ALCAM: variants seen among roughly 807,000 people sequenced by gnomAD.
ALCAM encodes the protein CD166 antigen.
A neutral mutation model predicts 70.9 loss-of-function variants in ALCAM; 30 were observed. The ratio of observed to expected loss-of-function variants is 0.42; its 90% CI spans 0.32 to 0.57. The LOEUF is 0.57. Ranked by LOEUF, ALCAM falls within the 20% of genes least tolerant of loss-of-function variation. The pLI is 0.11. For synonymous variants in ALCAM, 249 were observed against 242.5 expected (o/e 1.03, Z -0.25); for missense variants, 591 against 695.1 (o/e 0.85, Z 1.68).
intron 2 of ALCAM, among the ~76,000 whole-genome samples, chr3:105,523,280 G>A (rs1285554834): frequency 6.6e-6 from 1 of 151,984 alleles, no homozygotes; most frequent in Non-Finnish European, 1.5e-5. Context: ...TTTGCATAAT[G>A]AAGGAATGAC....
At chr3:105,439,184 G>A (rs913186745) in intron 1 of ALCAM, among the ~76,000 whole-genome samples, 2 of 152,112 alleles carry the variant, frequency 1.3e-5, no homozygotes, top group South Asian at 2.1e-4. Context: ...TTTCTCACTA[G>A]TCAGGATCCA....
chr3:105,517,169 C>T (rs1939405077), intron 1 of ALCAM, among the ~76,000 whole-genome samples: 1 of 152,048 alleles, frequency 6.6e-6, no homozygotes. Flanking sequence ...GAGATGTTAG[C>T]TCTCCCACAG....
chr3:105,511,545 G>A (rs1939236440), intron 1 of ALCAM, among the ~76,000 whole-genome samples: 2 of 151,854 alleles, frequency 1.3e-5, no homozygotes, highest in African/African-American at 4.8e-5. Context: ...AACTTATATT[G>A]CAACCCCTCC....
Position 105,545,475 on chromosome 3 carries a change from A to G in ALCAM, c.1104+140A>G, listed in dbSNP as rs969768041. On this transcript the variant is annotated intron_variant, in intron 9 of 15. Transcript: ENST00000306107. ...TCTCTCTCTCTCTCTGTTTCTGATA[A>G]GAGAAATAAAATAACAATAAAATTT... 3.3e-5 allele frequency: 19 copies of G among 578,334 alleles called. No individual in the cohort carries two copies. In the Admixed American group the frequency reaches 4.4e-4, roughly 13 times the overall value. The allele number at this position is 578,334 out of a possible 1,614,324, so 35.8% of individuals were successfully genotyped here. A position where few individuals can be genotyped will look rare whatever the true frequency, so the allele number is the denominator to read the frequency against.
At chr3:105,521,108 T>G (rs1422510214) in intron 2 of ALCAM, among the ~76,000 whole-genome samples, 2 of 151,006 alleles carry the variant, frequency 1.3e-5, no homozygotes, top group Non-Finnish European at 3.0e-5. Context: ...GAGACCATCC[T>G]GGCTAACAAG....
intron 1 of ALCAM, among the ~76,000 whole-genome samples, chr3:105,398,216 C>A (rs1936001332): frequency 6.6e-6 from 1 of 152,068 alleles, no homozygotes. Flanking sequence ...CTAGAGGAGG[C>A]AGTGCTGTCT....
intron 1 of ALCAM, among the ~76,000 whole-genome samples, chr3:105,493,129 TATGA>T (rs1234959283): frequency 6.6e-6 from 1 of 152,218 alleles, no homozygotes; most frequent in Admixed American, 6.5e-5. Context: ...TATCAGAAGC[TATGA>T]ATTATACAAA....
At chr3:105,536,926 A>G (rs1939984225) in intron 6 of ALCAM, among the ~76,000 whole-genome samples, 1 of 152,136 alleles carries the variant, frequency 6.6e-6, no homozygotes, top group Non-Finnish European at 1.5e-5. Context: ...TTTCTGATTT[A>G]GTGGGTATAG....
At chr3:105,393,470 C>T (rs1935874089) in intron 1 of ALCAM, among the ~76,000 whole-genome samples, 1 of 151,726 alleles carries the variant, frequency 6.6e-6, no homozygotes, top group Admixed American at 6.6e-5. Flanking sequence ...ATTGTTGAAC[C>T]ACACTTAATA....
Position 105,508,023 on chromosome 3 carries a change from A to G in ALCAM, c.74-12044A>G, listed in dbSNP as rs191798994. 1.4e-4 allele frequency among the ~76,000 whole-genome samples: 22 copies of G among 152,250 alleles called. No homozygotes were observed. The East Asian group carries it at 4.1e-3, about 28-fold the overall frequency. Reference sequence around the variant, plus strand: ...ATCTGAAAGATGCCTATCTTCTTGAATATTCATGATTTTCTATTTTATTTT... The same window carrying G: ...ATCTGAAAGATGCCTATCTTCTTGAGTATTCATGATTTTCTATTTTATTTT... On this transcript the variant is annotated intron_variant, in intron 1 of 15. Coordinates refer to ENST00000306107, the MANE Select transcript of ALCAM (RefSeq NM_001627.4).
At chr3:105,449,523 G>A (rs1490405854) in intron 1 of ALCAM, among the ~76,000 whole-genome samples, 1 of 152,138 alleles carries the variant, frequency 6.6e-6, no homozygotes, top group African/African-American at 2.4e-5. Context: ...CATATTTATT[G>A]TTTCACTATT....
intron 11 of ALCAM, among the ~76,000 whole-genome samples, chr3:105,549,470 G>T (rs1198976422): frequency 6.6e-6 from 1 of 151,390 alleles, no homozygotes. Context: ...TACATTATTT[G>T]CCTCAACCTT....
At chr3:105,471,387 T>C (rs895411768) in intron 1 of ALCAM, among the ~76,000 whole-genome samples, 34 of 151,286 alleles carry the variant, frequency 2.2e-4, no homozygotes, top group Admixed American at 2.2e-3. Context: ...TCCTGATTAT[T>C]ATCCCACAAA....
chr3:105,367,360 C>A lies in ALCAM; in HGVS notation c.-49C>A. 1 of 1,603,802 alleles carries A rather than the reference C, an allele frequency of 6.2e-7. No homozygotes were observed. Among genetic ancestry groups the A allele is most frequent in the Non-Finnish European group, 8.5e-7 (1 of 1,172,576 alleles). Reference sequence around the variant, plus strand: ...ACCGCGGGGCCCGGGACGACGCCCCCTCCTGCGGCGTGGACTCCGTCAGTG... The same window carrying A: ...ACCGCGGGGCCCGGGACGACGCCCCATCCTGCGGCGTGGACTCCGTCAGTG... On this transcript the variant is annotated 5_prime_UTR_variant, in exon 1 of 16. Coordinates refer to ENST00000306107, the MANE Select transcript of ALCAM (RefSeq NM_001627.4).
At chr3:105,566,799 T>C (rs1305013973) in intron 14 of ALCAM, among the ~76,000 whole-genome samples, 3 of 152,138 alleles carry the variant, frequency 2.0e-5, no homozygotes, top group South Asian at 2.1e-4. Context: ...ATAAAGCATA[T>C]ATATTAAACT....
At chr3:105,397,799 G>C (rs1426866215) in intron 1 of ALCAM, among the ~76,000 whole-genome samples, 2 of 152,018 alleles carry the variant, frequency 1.3e-5, no homozygotes, top group African/African-American at 4.8e-5. Flanking sequence ...ACTTCTGTTT[G>C]ATAAATGGAA....
At chr3:105,565,676 G>A (rs751213542) in intron 14 of ALCAM, among the ~76,000 whole-genome samples, 8 of 152,028 alleles carry the variant, frequency 5.3e-5, no homozygotes, top group Non-Finnish European at 1.0e-4. Flanking sequence ...TTTGGATGTT[G>A]GAAATTTGGA....
At chr3:105,546,828 C>A (rs1940259888) in intron 9 of ALCAM, among the ~76,000 whole-genome samples, 1 of 151,150 alleles carries the variant, frequency 6.6e-6, no homozygotes, top group Non-Finnish European at 1.5e-5. Flanking sequence ...CAATTCCTGA[C>A]ATAATAGGAT....
At chr3:105,553,899 A>G (rs1940464511) in intron 14 of ALCAM, among the ~76,000 whole-genome samples, 1 of 151,844 alleles carries the variant, frequency 6.6e-6, no homozygotes, top group Admixed American at 6.6e-5. Context: ...ACTTTCTCTC[A>G]CTTGCTTTAT....
Sources: gnomAD v4.1 joint callset for allele counts (sites outside exome capture counted in the v4.1 genomes callset) on GRCh38, gnomAD v4.1.1 for gene constraint, MANE v1.5 for transcripts, NCBI Gene and HGNC (gene_info 2026-07-23, HGNC 2026-07-21) for gene names.